Variants in AGO3 observed in about 807,000 individuals in gnomAD.
The protein encoded by AGO3 is protein argonaute-3.
AGO3 carries 16 observed loss-of-function variants against 105.5 expected under a neutral mutation model. The observed-to-expected ratio is 0.15, with a 90% CI of 0.10 to 0.23. The LOEUF (loss-of-function observed/expected upper bound fraction) is 0.23. AGO3 is among the 10% of genes least tolerant of loss of function. The pLI is 1.00. For missense variants in AGO3, 534 were observed against 1,088.0 expected (o/e 0.49, Z 7.16); for synonymous variants, 340 against 367.3 (o/e 0.93, Z 0.85).
At chr1:36,022,873 ATCGC>A (rs1641303917) in intron 11 of AGO3, among the ~76,000 whole-genome samples, 1 of 151,026 alleles carries the variant, frequency 6.6e-6, no homozygotes, top group Non-Finnish European at 1.5e-5. Context: ...CAGAGGTTTG[ATCGC>A]TCCATTGCAC....
chr1:35,962,788 G>A (rs899861253), intron 2 of AGO3, among the ~76,000 whole-genome samples: 2 of 152,006 alleles, frequency 1.3e-5, no homozygotes, highest in African/African-American at 4.8e-5. Context: ...ACCAAAAAAT[G>A]TAGACAAAAC....
chr1:35,956,945 G>A (rs907785887), intron 2 of AGO3, among the ~76,000 whole-genome samples: 4 of 151,836 alleles, frequency 2.6e-5, no homozygotes, highest in Admixed American at 2.6e-4. Flanking sequence ...CACTGCACCT[G>A]GCCTTAAGGA....
At chr1:36,004,004 A>T (rs1640229732) in intron 5 of AGO3, 1 of 164,940 alleles carries the variant, frequency 6.1e-6, no homozygotes, top group Non-Finnish European at 1.3e-5. Flanking sequence ...AAAAAAGAAA[A>T]AAAGAAATAA....
In AGO3 at chr1:36,034,280, A is replaced by T; in HGVS notation, c.1698A>T (p.Leu566=). Residue 566 remains leucine (L), a synonymous_variant, in exon 13 of 19, where the codon CTA becomes CTT. Transcript: ENST00000373191. The stretch of plus-strand genomic sequence containing the variant: ...CTCAAACTCTGTCAAACTTGTGCCT[A>T]AAGATAAATGTTAAACTCGGAGGGA... ...TSPQTLSNLC[L]KINVKLGGIN... 6.2e-7 allele frequency: 1 copy of T among 1,612,218 alleles called. No individual in the cohort carries two copies. Among genetic ancestry groups the T allele is most frequent in the Non-Finnish European group, 8.5e-7 (1 of 1,179,244 alleles).
chr1:36,014,055 C>T lies in AGO3; in HGVS notation c.1406+7C>T. On this transcript the variant is annotated splice_region_variant and intron_variant, in intron 11 of 18. Transcript: ENST00000373191. Reference sequence around the variant, plus strand: ...GCAGAGAAGAAATATTGAAGTAAGACATGTCATTACCTTGGCTTTGGGACT... The same window carrying T: ...GCAGAGAAGAAATATTGAAGTAAGATATGTCATTACCTTGGCTTTGGGACT... 6.2e-7 allele frequency: 1 copy of T among 1,613,992 alleles called. No individual in the cohort carries two copies. The highest frequency in any genetic ancestry group is 8.5e-7 in the Non-Finnish European group (1 of 1,179,974).
Position 36,059,678 on chromosome 1 carries a change from A to T in AGO3, c.*3933A>T, listed in dbSNP as rs141377524. 9.2e-5 allele frequency: 14 copies of T among 152,108 alleles called. No individual in the cohort carries two copies. Among genetic ancestry groups the T allele is most frequent in the Non-Finnish European group, 1.8e-4 (12 of 67,988 alleles). 9.4% of individuals were successfully genotyped at this position (152,108 alleles called of 1,614,324 possible). A position where few individuals can be genotyped will look rare whatever the true frequency, so the allele number is the denominator to read the frequency against. ...CAGTATCAGGTTACTGGCATGGAGG[A>T]CCATACACTTACAATATTGTAGCTG... is the stretch of plus-strand genomic sequence containing the variant. On this transcript the variant is annotated 3_prime_UTR_variant, in exon 19 of 19. Transcript: ENST00000373191.
intron 11 of AGO3, among the ~76,000 whole-genome samples, chr1:36,023,461 G>C (rs1641342278): frequency 6.6e-6 from 1 of 152,176 alleles, no homozygotes; most frequent in Admixed American, 6.5e-5. Flanking sequence ...ACCAGAATAG[G>C]TTCAAAGAGA....
intron 2 of AGO3, among the ~76,000 whole-genome samples, chr1:35,952,394 C>T (rs544358121): frequency 1.3e-4 from 20 of 152,054 alleles, no homozygotes; most frequent in South Asian, 8.3e-4. Context: ...CTGCCTACCT[C>T]GGCCTCCCAA....
At chr1:36,019,853 C>T (rs955716967) in intron 11 of AGO3, among the ~76,000 whole-genome samples, 1 of 152,162 alleles carries the variant, frequency 6.6e-6, no homozygotes. Context: ...ACTGCAACTT[C>T]CACCTCCCGG....
intron 3 of AGO3, among the ~76,000 whole-genome samples, chr1:35,967,465 AGT>A (rs1646795602): frequency 6.6e-6 from 1 of 151,846 alleles, no homozygotes; most frequent in Non-Finnish European, 1.5e-5. Flanking sequence ...CCTAGGTTGG[AGT>A]GCAGTAGTGT....
Position 36,059,133 on chromosome 1 carries a change from A to T in AGO3, c.*3388A>T, listed in dbSNP as rs1300472588. 6.6e-6 allele frequency: 1 copy of T among 152,176 alleles called. No individual in the cohort carries two copies. The highest frequency in any genetic ancestry group is 1.5e-5 in the Non-Finnish European group (1 of 68,018). 9.4% of individuals were successfully genotyped at this position (152,176 alleles called of 1,614,324 possible). A position where few individuals can be genotyped will look rare whatever the true frequency, so the allele number is the denominator to read the frequency against. On this transcript the variant is annotated 3_prime_UTR_variant, in exon 19 of 19. Coordinates refer to ENST00000373191, the MANE Select transcript of AGO3 (RefSeq NM_024852.4). ...AGAGGAAAAATATTTTTTCTAAATT[A>T]TAAAGCTTTACCTTTTGAGTGATTT...
intron 5 of AGO3, among the ~76,000 whole-genome samples, chr1:35,982,359 G>A (rs901739023): frequency 6.6e-6 from 1 of 152,114 alleles, no homozygotes; most frequent in African/African-American, 2.4e-5. Flanking sequence ...ATACATATCA[G>A]AACTGGTATG....
chr1:36,040,449 C>G lies in AGO3; in HGVS notation c.2172+8C>G, dbSNP rs749361485. On this transcript the variant is annotated splice_region_variant and intron_variant, in intron 16 of 18. Transcript: ENST00000373191. ...GCTGATAGGACAGAAAGGGTAATCTCACCTCTGTTGTAATACTGTTATAAA... is the reference window on the plus strand; with the variant it reads ...GCTGATAGGACAGAAAGGGTAATCTGACCTCTGTTGTAATACTGTTATAAA... The G allele has an allele frequency of 1.6e-5, 26 of 1,613,926 alleles. 1 individual carries two copies. In the South Asian group the frequency reaches 2.9e-4, roughly 18 times the overall value.
At position 36,043,558 on chromosome 1, in the gene AGO3, C is replaced by T. The variant is rs145023598; in HGVS notation, c.2274+10C>T. Reference sequence around the variant, plus strand: ...CCATGCTGGAATACAGGTAAGCCTACACTTTGGGTAAAATATTTTAATTCA... The same window carrying T: ...CCATGCTGGAATACAGGTAAGCCTATACTTTGGGTAAAATATTTTAATTCA... On this transcript the variant is annotated intron_variant, in intron 17 of 18. Coordinates refer to ENST00000373191, the MANE Select transcript of AGO3 (RefSeq NM_024852.4). 47 of 1,572,804 alleles carry T rather than the reference C, an allele frequency of 3.0e-5. No individual in the cohort carries two copies. In the East Asian group the frequency reaches 1.0e-3, roughly 34 times the overall value.
chr1:36,027,009 A>C lies in AGO3; in HGVS notation c.1407-105A>C, dbSNP rs959747250. On this transcript the variant is annotated intron_variant, in intron 11 of 18. Coordinates refer to ENST00000373191, the MANE Select transcript of AGO3 (RefSeq NM_024852.4). This position sits in a 1 kb window ranked among gnomAD's most constrained non-coding sequence, Gnocchi z 4.0. Reference sequence around the variant, plus strand: ...GTGACCTCTCATATATGAAGCACACAAATCTTTGCTTCATCCTTCCATTCC... The same window carrying C: ...GTGACCTCTCATATATGAAGCACACCAATCTTTGCTTCATCCTTCCATTCC... The C allele has an allele frequency of 3.0e-6, 4 of 1,331,724 alleles. No homozygotes were observed. The highest frequency in any genetic ancestry group is 3.1e-6 in the Non-Finnish European group (3 of 964,312). 82.5% of individuals were successfully genotyped at this position (1,331,724 alleles called of 1,614,324 possible).
At chr1:35,948,393 A>G (rs1053833435) in intron 2 of AGO3, among the ~76,000 whole-genome samples, 5 of 151,428 alleles carry the variant, frequency 3.3e-5, no homozygotes, top group African/African-American at 9.7e-5. Flanking sequence ...AATTTTTTGT[A>G]TTTTTAGTAG....
Position 36,040,396 on chromosome 1 carries a change from G to A in AGO3, c.2127G>A (p.Gln709=), listed in dbSNP as rs368356934. 25 of 1,614,014 alleles carry A rather than the reference G, an allele frequency of 1.5e-5. No homozygotes were observed. The highest frequency in any genetic ancestry group is 3.3e-4 in the Middle Eastern group (2 of 6,058). Residue 709 remains glutamine, a synonymous_variant, in exon 16 of 19, where the codon CAG becomes CAA. Transcript: ENST00000373191. The stretch of plus-strand genomic sequence containing the variant: ...CTGGAATAACCTACATTGTAGTTCA[G>A]AAGAGACATCACACTCGATTATTTT... The part of the protein sequence containing the change: ...YQPGITYIVV[Q]KRHHTRLFCA...
chr1:35,996,136 TGAGACCA>T (rs1639791041), intron 5 of AGO3, among the ~76,000 whole-genome samples: 3 of 151,578 alleles, frequency 2.0e-5, no homozygotes, highest in African/African-American at 7.3e-5. Context: ...GCCAGGTGTT[TGAGACCA>T]GCCTGGGCAA....
chr1:35,977,840 C>T (rs1419799711), intron 5 of AGO3, among the ~76,000 whole-genome samples: 1 of 151,850 alleles, frequency 6.6e-6, no homozygotes, highest in Non-Finnish European at 1.5e-5. Context: ...AAGCTTTCAA[C>T]AATAAGCATC....
Sources: gnomAD v4.1 joint callset for allele counts (sites outside exome capture counted in the v4.1 genomes callset) on GRCh38, gnomAD v4.1.1 for gene constraint, Gnocchi (gnomAD v3.1) non-coding constraint, MANE v1.5 for transcripts, NCBI Gene and HGNC (gene_info 2026-07-23, HGNC 2026-07-21) for gene names.